CNGB3: variants seen among roughly 807,000 people sequenced by gnomAD.
CNGB3 encodes the protein cyclic nucleotide gated channel subunit beta 3.
In CNGB3, 86 loss-of-function variants were observed where a neutral mutation model predicts 92.8. That is an observed-to-expected ratio of 0.93 (90% CI 0.78 to 1.11). CNGB3 has a LOEUF of 1.11. Among genes scored for constraint, CNGB3 ranks in the 50% least tolerant of loss-of-function variants. The pLI is 0.00. For missense variants in CNGB3, 1,026 were observed against 956.8 expected (o/e 1.07, Z -0.95); for synonymous variants, 333 against 332.7 (o/e 1.00, Z -0.01).
At chr8:86,588,929 G>A (rs1019336992) in intron 15 of CNGB3, among the ~76,000 whole-genome samples, 4 of 151,782 alleles carry the variant, frequency 2.6e-5, no homozygotes, top group Non-Finnish European at 4.4e-5. Context: ...GTTCCTCCTT[G>A]TACCTCTGGT....
chr8:86,716,557 T>C (rs1480011679), intron 3 of CNGB3, among the ~76,000 whole-genome samples: 1 of 152,178 alleles, frequency 6.6e-6, no homozygotes. Context: ...GGGATTGGAA[T>C]CCTATTTTTA....
At chr8:86,578,961 A>T (rs1821710690) in intron 16 of CNGB3, 98 bp from the exon 17 acceptor site, 1 of 1,538,580 alleles carries the variant, frequency 6.5e-7, no homozygotes, top group South Asian at 1.1e-5. Context: ...GTGTAGTTTC[A>T]ATGGGTACCT....
At chr8:86,669,774 T>A (rs35894463) in intron 4 of CNGB3, among the ~76,000 whole-genome samples, 1 of 152,156 alleles carries the variant, frequency 6.6e-6, no homozygotes, top group Non-Finnish European at 1.5e-5. Context: ...CAAAGCTTTG[T>A]TCTATTCTTT....
In CNGB3 at chr8:86,675,304, C is replaced by T. The variant is rs997066453; in HGVS notation, c.339-4206G>A. On this transcript the variant is annotated intron_variant, in intron 3 of 17. Coordinates refer to ENST00000320005, the MANE Select transcript of CNGB3 (RefSeq NM_019098.5). ...CTCAAGCTGGTCTCAAACTCCTGGG[C>T]TCAAGCAATCTTCCTGCCTTGGCCT... 3.9e-5 allele frequency among the ~76,000 whole-genome samples: 6 copies of T among 152,264 alleles called. No homozygotes were observed. In the East Asian group the frequency reaches 1.2e-3, roughly 29 times the overall value.
At chr8:86,644,531 A>G in intron 9 of CNGB3, 91 bp downstream of exon 9, 1 of 1,511,548 alleles carries the variant, frequency 6.6e-7, no homozygotes, top group Non-Finnish European at 9.0e-7. Context: ...CCTTTTTTTG[A>G]AGAGGGGGGT....
chr8:86,642,494 A>G (rs1370231299), intron 10 of CNGB3, among the ~76,000 whole-genome samples: 3 of 151,634 alleles, frequency 2.0e-5, no homozygotes, highest in Non-Finnish European at 4.4e-5. Flanking sequence ...TCCCTTATAC[A>G]TATCCAACTC....
At position 86,654,037 on chromosome 8, in the gene CNGB3, T is replaced by C; in HGVS notation, c.878A>G (p.His293Arg). 1 of 1,602,494 alleles carries C rather than the reference T, an allele frequency of 6.2e-7. No individual in the cohort carries two copies. The highest frequency in any genetic ancestry group is 8.5e-7 in the Non-Finnish European group (1 of 1,169,628). ...IIVDSNELRK[H>R]YRTSTKFQLD... ...CTGAAATTTTGTAGAAGTCCTGTAGTGTTTCCTTAGCTCATTTGAATCCAC... is the reference window on the plus strand; with the variant it reads ...CTGAAATTTTGTAGAAGTCCTGTAGCGTTTCCTTAGCTCATTTGAATCCAC... The change falls in exon 7 of 18, where the codon CAC becomes CGC. Residue 293 changes from histidine to arginine, a missense_variant. Transcript: ENST00000320005.
intron 3 of CNGB3, among the ~76,000 whole-genome samples, chr8:86,678,656 T>G (rs1824022160): frequency 6.6e-6 from 1 of 152,212 alleles, no homozygotes; most frequent in South Asian, 2.1e-4. Flanking sequence ...GTCTCTGTTG[T>G]TTATTTTTGT....
intron 1 of CNGB3, among the ~76,000 whole-genome samples, chr8:86,741,936 C>A (rs1318135350): frequency 1.3e-5 from 2 of 152,140 alleles, no homozygotes; most frequent in Non-Finnish European, 2.9e-5. Flanking sequence ...CTGTTTTGAG[C>A]AGTATAGCCT....
chr8:86,578,931 A>T, intron 16 of CNGB3, 68 bp from the exon 17 acceptor site: 1 of 1,597,992 alleles, frequency 6.3e-7, no homozygotes, highest in Non-Finnish European at 8.6e-7. Flanking sequence ...TACTAAAAAA[A>T]CTGCAATTTA....
rs894412376 is a variant in CNGB3 at position 86,574,856 on chromosome 8, T to G, written c.*948A>C. On this transcript the variant is annotated 3_prime_UTR_variant, in exon 18 of 18. Coordinates refer to ENST00000320005, the MANE Select transcript of CNGB3 (RefSeq NM_019098.5). The stretch of plus-strand genomic sequence containing the variant: ...TGGAGATTTTGTAAACAGCTATACA[T>G]GTAGGTTCCGGAAATTGTGGGGATA... 6.6e-6 allele frequency: 1 copy of G among 152,114 alleles called. No individual in the cohort carries two copies. The highest frequency in any genetic ancestry group is 2.4e-5 in the African/African-American group (1 of 41,418). The allele number at this position is 152,114 out of a possible 1,614,324, so 9.4% of individuals were successfully genotyped here. A position where few individuals can be genotyped will look rare whatever the true frequency, so the allele number is the denominator to read the frequency against.
intron 15 of CNGB3, among the ~76,000 whole-genome samples, chr8:86,603,105 G>A (rs1822340943): frequency 6.6e-6 from 1 of 152,124 alleles, no homozygotes; most frequent in Non-Finnish European, 1.5e-5. Flanking sequence ...TATCTCCCTA[G>A]AGAGGTCATT....
intron 3 of CNGB3, among the ~76,000 whole-genome samples, chr8:86,685,071 G>T (rs4961208): frequency 6.6e-6 from 1 of 151,926 alleles, no homozygotes; most frequent in African/African-American, 2.4e-5. Flanking sequence ...TCAATATCCT[G>T]GTTGTGAGAT....
At chr8:86,735,042 G>GTGTTTT in intron 2 of CNGB3, among the ~76,000 whole-genome samples, 1 of 85,874 alleles carries the variant, frequency 1.2e-5, no homozygotes, top group East Asian at 3.8e-4. Flanking sequence ...AATGCCGGTG[G>GTGTTTT]TTTTTTTTTT....
intron 3 of CNGB3, among the ~76,000 whole-genome samples, chr8:86,683,311 G>T (rs1380324183): frequency 6.6e-6 from 1 of 152,028 alleles, no homozygotes; most frequent in African/African-American, 2.4e-5. Context: ...ACACTGAGTT[G>T]GTCTGAATGC....
chr8:86,614,233 C>T (rs184942758), intron 13 of CNGB3, among the ~76,000 whole-genome samples: 1 of 152,234 alleles, frequency 6.6e-6, no homozygotes, highest in African/African-American at 2.4e-5. Context: ...CTGGTGACCA[C>T]CGCTCTATGG....
intron 2 of CNGB3, among the ~76,000 whole-genome samples, chr8:86,732,483 T>C (rs897131326): frequency 6.6e-6 from 1 of 152,124 alleles, no homozygotes; most frequent in Non-Finnish European, 1.5e-5. Flanking sequence ...AACACAGCGC[T>C]CATGAGAAAT....
At chr8:86,737,189 A>G (rs1215822447) in intron 2 of CNGB3, among the ~76,000 whole-genome samples, 1 of 152,226 alleles carries the variant, frequency 6.6e-6, no homozygotes, top group Non-Finnish European at 1.5e-5. Flanking sequence ...GTGTTTTTCA[A>G]AATAAGTAAA....
rs1563766058 is a variant in CNGB3 at position 86,720,837 on chromosome 8, T to TAC, written c.338+5693_338+5694insGT. Among the ~76,000 whole-genome samples, 14 of 32,876 alleles carry TAC rather than the reference T, an allele frequency of 4.3e-4. No homozygotes were observed. In the South Asian group the frequency reaches 5.8e-3, roughly 14 times the overall value. The allele number at this position is 32,876 out of a possible 152,430, so 21.6% of individuals were successfully genotyped here. On this transcript the variant is annotated intron_variant, in intron 3 of 17. Transcript: ENST00000320005. ...GCATATATATATATATATATATATG[T>TAC]ATACACACACACACACACACACACA... is the stretch of plus-strand genomic sequence containing the variant.
Sources: allele counts gnomAD v4.1 joint callset (sites outside exome capture counted in the v4.1 genomes callset), GRCh38; gene constraint gnomAD v4.1.1; transcripts MANE v1.5; gene names NCBI Gene and HGNC (gene_info 2026-07-23, HGNC 2026-07-21).